The following DLG2 variants were observed in gnomAD, a reference collection of about 807,000 sequenced individuals.
DLG2 encodes the protein discs large MAGUK scaffold protein 2.
In DLG2, 45 loss-of-function variants were observed where a neutral mutation model predicts 132.5. That is an observed-to-expected ratio of 0.34 (90% CI 0.27 to 0.44). The LOEUF is 0.44. Among genes scored for constraint, DLG2 ranks in the 20% least tolerant of loss-of-function variants. The pLI is 1.00. For missense variants in DLG2, 1,045 were observed against 1,196.9 expected, an observed-to-expected ratio of 0.87 and a Z score of 1.87; for synonymous variants, 424 against 419.6, an observed-to-expected ratio of 1.01 and a Z score of -0.13.
intron 9 of DLG2, among the ~76,000 whole-genome samples, chr11:84,125,993 G>A (rs889270382): frequency 6.6e-6 from 1 of 151,958 alleles, no homozygotes; most frequent in Admixed American, 6.6e-5. Context: ...TTTTAATAAA[G>A]AGGATAAAAT....
intron 3 of DLG2, among the ~76,000 whole-genome samples, chr11:85,522,446 C>A (rs1216510205): frequency 6.6e-6 from 1 of 152,154 alleles, no homozygotes; most frequent in East Asian, 1.9e-4. Context: ...ATACAGAATC[C>A]CCCCTAGGGC....
chr11:84,433,920 C>A (rs900707145), intron 7 of DLG2, among the ~76,000 whole-genome samples: 8 of 151,914 alleles, frequency 5.3e-5, no homozygotes, highest in Non-Finnish European at 8.8e-5. Context: ...AGTTCGAGAC[C>A]ACTTTGGGGA....
intron 7 of DLG2, among the ~76,000 whole-genome samples, chr11:84,430,619 C>G (rs2098981665): frequency 6.6e-6 from 1 of 152,104 alleles, no homozygotes; most frequent in Non-Finnish European, 1.5e-5. Flanking sequence ...TTGTGACCAA[C>G]TATCTTGCCC....
chr11:84,693,844 A>G (rs2058323829), intron 6 of DLG2, among the ~76,000 whole-genome samples: 1 of 151,694 alleles, frequency 6.6e-6, no homozygotes, highest in African/African-American at 2.4e-5. Context: ...CTTCTTGACT[A>G]CTACTCATCT....
At chr11:84,219,386 T>G (rs1334072709) in intron 8 of DLG2, among the ~76,000 whole-genome samples, 1 of 152,254 alleles carries the variant, frequency 6.6e-6, no homozygotes, top group African/African-American at 2.4e-5. Flanking sequence ...TGAAGAGACC[T>G]ATCTTTAAAT....
At chr11:83,636,936 G>T (rs1382123921) in intron 18 of DLG2, among the ~76,000 whole-genome samples, 1 of 152,190 alleles carries the variant, frequency 6.6e-6, no homozygotes, top group East Asian at 1.9e-4. Flanking sequence ...GTGCTTATCT[G>T]TCTCTTTGCT....
In DLG2 at chr11:83,859,458, G is replaced by A. The variant is rs184029792; in HGVS notation, c.1565+14962C>T. Reference sequence around the variant, plus strand: ...TTATGTTTTAGCAAAGAGACTGGAGGCATTTTGCCCCTGCCCTAGAGATTT... The same window carrying A: ...TTATGTTTTAGCAAAGAGACTGGAGACATTTTGCCCCTGCCCTAGAGATTT... On this transcript the variant is annotated intron_variant, in intron 16 of 27. Transcript: ENST00000376104. Among the ~76,000 whole-genome samples, 31 of 152,340 alleles carry A rather than the reference G, an allele frequency of 2.0e-4. No homozygotes were observed. In the East Asian group the frequency reaches 5.6e-3, roughly 28 times the overall value.
chr11:85,335,443 T>C (rs1416869685), intron 3 of DLG2, among the ~76,000 whole-genome samples: 2 of 152,214 alleles, frequency 1.3e-5, no homozygotes, highest in African/African-American at 2.4e-5. Flanking sequence ...TGTGAGGACT[T>C]GATCTTGTCA....
At chr11:83,649,310 C>T (rs1042960474) in intron 18 of DLG2, among the ~76,000 whole-genome samples, 1 of 152,226 alleles carries the variant, frequency 6.6e-6, no homozygotes, top group Middle Eastern at 3.4e-3. Context: ...GCCCCACTAG[C>T]CCCCAGCTTC....
intron 3 of DLG2, among the ~76,000 whole-genome samples, chr11:85,566,913 T>C (rs1437178267): frequency 6.6e-6 from 1 of 152,168 alleles, no homozygotes; most frequent in Non-Finnish European, 1.5e-5. Context: ...CCTGGTAGCA[T>C]TTGTTGAAAA....
intron 4 of DLG2, among the ~76,000 whole-genome samples, chr11:85,207,926 C>G (rs992886716): frequency 1.3e-5 from 2 of 151,784 alleles, no homozygotes; most frequent in Non-Finnish European, 2.9e-5. Context: ...CCTTCAAAAC[C>G]CATTTCAAAA....
intron 3 of DLG2, among the ~76,000 whole-genome samples, chr11:85,553,332 G>T (rs933241139): frequency 1.5e-4 from 23 of 151,354 alleles, no homozygotes; most frequent in African/African-American, 5.6e-4. Context: ...ATGCATTAAT[G>T]AAAAAGGGGA....
In DLG2 at chr11:83,486,058, C is replaced by G. The variant is rs567124752; in HGVS notation, c.2194-1830G>C. 6 of 471,776 alleles carry G rather than the reference C, an allele frequency of 1.3e-5. No homozygotes were observed. The South Asian group carries it at 1.6e-4, about 13-fold the overall frequency. 29.2% of individuals were successfully genotyped at this position (471,776 alleles called of 1,614,324 possible). On this transcript the variant is annotated intron_variant, in intron 21 of 27. Coordinates refer to ENST00000376104, the MANE Select transcript of DLG2 (RefSeq NM_001142699.3). Reference sequence around the variant, plus strand: ...AGGTATCACTTCAGAATTTATTACTCTGCTGACAGCACCTATGTTCAATAT... The same window carrying G: ...AGGTATCACTTCAGAATTTATTACTGTGCTGACAGCACCTATGTTCAATAT...
At chr11:85,416,584 T>C (rs71231553) in intron 3 of DLG2, among the ~76,000 whole-genome samples, 2 of 152,218 alleles carry the variant, frequency 1.3e-5, no homozygotes, top group Non-Finnish European at 1.5e-5. Context: ...GTATGGAATG[T>C]TCTTCCATTT....
intron 6 of DLG2, among the ~76,000 whole-genome samples, chr11:84,916,681 G>C (rs1387589850): frequency 1.3e-5 from 2 of 152,102 alleles, no homozygotes; most frequent in African/African-American, 4.8e-5. Context: ...AGCAACCTGA[G>C]TGATCCTATT....
intron 6 of DLG2, among the ~76,000 whole-genome samples, chr11:84,643,971 T>G (rs1408857177): frequency 6.6e-6 from 1 of 152,230 alleles, no homozygotes; most frequent in Non-Finnish European, 1.5e-5. Context: ...CTCATTTTAC[T>G]GATGAGTAAA....
intron 7 of DLG2, among the ~76,000 whole-genome samples, chr11:84,500,336 T>C (rs2099200007): frequency 6.9e-6 from 1 of 145,942 alleles, no homozygotes; most frequent in African/African-American, 2.5e-5. Context: ...CAGCCAAGGT[T>C]ATTTGGTTGC....
At chr11:85,266,747 G>T (rs980645781) in intron 4 of DLG2, among the ~76,000 whole-genome samples, 2 of 152,104 alleles carry the variant, frequency 1.3e-5, no homozygotes, top group African/African-American at 4.8e-5. Flanking sequence ...AAAGAATGAA[G>T]AAATAATTTA....
chr11:83,909,732 A>C (rs1048216580), intron 15 of DLG2, among the ~76,000 whole-genome samples: 1 of 152,164 alleles, frequency 6.6e-6, no homozygotes, highest in Admixed American at 6.6e-5. Flanking sequence ...ATTAATTGTT[A>C]TGCTTCATCA....
Sources: allele counts gnomAD v4.1 joint callset (sites outside exome capture counted in the v4.1 genomes callset), GRCh38; gene constraint gnomAD v4.1.1; transcripts MANE v1.5; gene names NCBI Gene and HGNC (gene_info 2026-07-23, HGNC 2026-07-21).